The following NRXN3 variants were observed in gnomAD, a reference collection of about 807,000 sequenced individuals.
The protein encoded by NRXN3 is neurexin 3.
Under a neutral mutation model 137.6 loss-of-function variants are expected in NRXN3, and 32 were observed. That is an observed-to-expected ratio of 0.23 (90% CI 0.18 to 0.31). The LOEUF is 0.31. Among genes scored for constraint, NRXN3 ranks in the 10% least tolerant of loss-of-function variants. The pLI is 1.00. For missense variants in NRXN3, 1,574 were observed against 2,062.5 expected, an observed-to-expected ratio of 0.76 and a Z score of 4.59; for synonymous variants, 798 against 784.5, an observed-to-expected ratio of 1.02 and a Z score of -0.29.
At chr14:79,233,438 CTT>C (rs2072620081) in intron 15 of NRXN3, among the ~76,000 whole-genome samples, 1 of 152,092 alleles carries the variant, frequency 6.6e-6, no homozygotes, top group South Asian at 2.1e-4. Flanking sequence ...GCAAGACCCT[CTT>C]TAATCTACTG....
chr14:79,048,344 A>T (rs937028686), intron 15 of NRXN3, among the ~76,000 whole-genome samples: 5 of 152,176 alleles, frequency 3.3e-5, no homozygotes, highest in Non-Finnish European at 5.9e-5. Flanking sequence ...TCAGGGGTAC[A>T]TTGATTTGTT....
intron 15 of NRXN3, among the ~76,000 whole-genome samples, chr14:79,070,873 G>A (rs2099686755): frequency 6.6e-6 from 1 of 152,122 alleles, no homozygotes; most frequent in African/African-American, 2.4e-5. Context: ...AATCCCTCTT[G>A]AGATAAATAG....
intron 7 of NRXN3, among the ~76,000 whole-genome samples, chr14:78,713,360 C>T (rs774937366): frequency 6.6e-6 from 1 of 152,122 alleles, no homozygotes; most frequent in East Asian, 1.9e-4. Flanking sequence ...GGTGCCATCC[C>T]CTCTGCCTGG....
intron 4 of NRXN3, among the ~76,000 whole-genome samples, chr14:78,601,888 G>A (rs940417498): frequency 6.6e-6 from 1 of 152,178 alleles, no homozygotes; most frequent in Non-Finnish European, 1.5e-5. Context: ...TTCATAACAT[G>A]CTCAGTTAAA....
intron 4 of NRXN3, among the ~76,000 whole-genome samples, chr14:78,333,564 C>T (rs752948245): frequency 1.1e-4 from 16 of 151,858 alleles, no homozygotes; most frequent in Admixed American, 3.3e-4. Context: ...AAAATAGATC[C>T]GAGAAAGGGG....
At position 78,528,569 on chromosome 14, in the gene NRXN3, A is replaced by T. The variant is rs75112501; in HGVS notation, c.758-116551A>T. Among the ~76,000 whole-genome samples the T allele has an allele frequency of 5.6e-3, 852 of 152,266 alleles. 46 individuals are homozygous for T. The East Asian group carries it at 0.095, about 17-fold the overall frequency. On this transcript the variant is annotated intron_variant, in intron 4 of 20. Transcript: ENST00000335750. Reference sequence around the variant, plus strand: ...CAGAGCCAAGCATGTATAATTTCTAACAGAAATTATGGGTTTAGTACCTAG... The same window carrying T: ...CAGAGCCAAGCATGTATAATTTCTATCAGAAATTATGGGTTTAGTACCTAG...
chr14:78,230,328 G>GTCTCTC (rs112795410), intron 1 of NRXN3, among the ~76,000 whole-genome samples: 7 of 148,818 alleles, frequency 4.7e-5, no homozygotes, highest in Non-Finnish European at 7.5e-5. Flanking sequence ...GTCTCTGTCT[G>GTCTCTC]TCTCTCTCTC....
chr14:78,337,536 C>T (rs1160000692), intron 4 of NRXN3, among the ~76,000 whole-genome samples: 1 of 152,094 alleles, frequency 6.6e-6, no homozygotes, highest in East Asian at 1.9e-4. Flanking sequence ...TAGGGACAGC[C>T]TCCTGCCTCC....
intron 15 of NRXN3, among the ~76,000 whole-genome samples, chr14:79,122,764 A>G (rs1016080098): frequency 3.9e-5 from 6 of 152,292 alleles, no homozygotes; most frequent in South Asian, 2.1e-4. Context: ...CCAAGTGCCT[A>G]TTACGTGCCA....
intron 1 of NRXN3, among the ~76,000 whole-genome samples, chr14:78,171,252 G>C (rs1273032247): frequency 6.8e-6 from 1 of 146,940 alleles, no homozygotes; most frequent in Non-Finnish European, 1.5e-5. Flanking sequence ...GGTGTGAGGA[G>C]GTGGTCCTAG....
chr14:79,296,976 C>T (rs899573230), intron 15 of NRXN3, among the ~76,000 whole-genome samples: 9 of 152,156 alleles, frequency 5.9e-5, no homozygotes, highest in African/African-American at 1.7e-4. Flanking sequence ...TTGATTCCAG[C>T]GCCCTGGCCT....
intron 10 of NRXN3, among the ~76,000 whole-genome samples, chr14:78,861,718 T>A (rs1392097647): frequency 6.6e-6 from 1 of 152,150 alleles, no homozygotes; most frequent in Non-Finnish European, 1.5e-5. Flanking sequence ...GATGTATGTT[T>A]AGTCTGTAAT....
At chr14:79,625,174 A>T (rs2098269712) in intron 16 of NRXN3, among the ~76,000 whole-genome samples, 1 of 152,186 alleles carries the variant, frequency 6.6e-6, no homozygotes. Flanking sequence ...TGTTGTTGCA[A>T]ATGGCAAGAT....
intron 15 of NRXN3, among the ~76,000 whole-genome samples, chr14:79,029,759 C>T (rs1355817887): frequency 1.5e-5 from 2 of 134,326 alleles, no homozygotes; most frequent in African/African-American, 2.9e-5. Flanking sequence ...CCCAAAAATG[C>T]CCCTTGGAGA....
intron 14 of NRXN3, among the ~76,000 whole-genome samples, chr14:78,983,594 C>G (rs1241837998): frequency 6.6e-6 from 1 of 152,040 alleles, no homozygotes; most frequent in Admixed American, 6.5e-5. Flanking sequence ...TGTGGTGGCT[C>G]ATGCCTGTAA....
At chr14:79,443,523 A>G (rs975294905) in intron 15 of NRXN3, among the ~76,000 whole-genome samples, 6 of 152,224 alleles carry the variant, frequency 3.9e-5, no homozygotes, top group African/African-American at 1.4e-4. Context: ...GGAGAATTGG[A>G]AAATGAGAGA....
At chr14:79,322,496 C>T (rs1041609672) in intron 15 of NRXN3, among the ~76,000 whole-genome samples, 7 of 152,104 alleles carry the variant, frequency 4.6e-5, no homozygotes, top group Admixed American at 1.3e-4. Context: ...TCTCTCAATT[C>T]TTTGAGAGAA....
At chr14:79,839,564 G>C (rs868795132) in intron 20 of NRXN3, among the ~76,000 whole-genome samples, 1 of 152,122 alleles carries the variant, frequency 6.6e-6, no homozygotes, top group African/African-American at 2.4e-5. Context: ...TAAATGAATA[G>C]TAGAAAATAT....
At chr14:78,229,863 A>G (rs4903731) in intron 1 of NRXN3, among the ~76,000 whole-genome samples, 17,996 of 151,954 alleles carry the variant, frequency 0.12, 1,174 homozygotes, top group East Asian at 0.16. Context: ...TATACTCTCT[A>G]GGGGTTGGCA....
Sources: gnomAD v4.1 joint callset for allele counts (sites outside exome capture counted in the v4.1 genomes callset) on GRCh38, gnomAD v4.1.1 for gene constraint, MANE v1.5 for transcripts, NCBI Gene and HGNC (gene_info 2026-07-23, HGNC 2026-07-21) for gene names.